RAB27B: variants seen among roughly 807,000 people sequenced by gnomAD.
RAB27B encodes the protein ras-related protein Rab-27B.
RAB27B carries 15 observed loss-of-function variants against 24.6 expected under a neutral mutation model. The ratio of observed to expected loss-of-function variants is 0.61; its 90% CI spans 0.41 to 0.94. The LOEUF (loss-of-function observed/expected upper bound fraction) is 0.94. Ranked by LOEUF, RAB27B falls within the 40% of genes least tolerant of loss-of-function variation. The pLI, the probability that RAB27B is intolerant of heterozygous loss-of-function variation, is 0.00. For synonymous variants in RAB27B, 105 were observed against 92.5 expected, an observed-to-expected ratio of 1.14 and a Z score of -0.78; for missense variants, 261 against 266.8, an observed-to-expected ratio of 0.98 and a Z score of 0.15.
intron 1 of RAB27B, among the ~76,000 whole-genome samples, chr18:54,842,294 A>G: frequency 8.9e-6 from 1 of 112,764 alleles, no homozygotes; most frequent in East Asian, 2.7e-4. Context: ...CCTAGATCAG[A>G]TAAAACTATT....
chr18:54,767,505 A>T (rs1416962412), intron 2 of RAB27B, among the ~76,000 whole-genome samples: 1 of 152,212 alleles, frequency 6.6e-6, no homozygotes, highest in Non-Finnish European at 1.5e-5. Flanking sequence ...TAAAAACAAG[A>T]TACAACTGAA....
chr18:54,831,515 T>C (rs986384374), intron 1 of RAB27B, among the ~76,000 whole-genome samples: 1 of 152,206 alleles, frequency 6.6e-6, no homozygotes, highest in Non-Finnish European at 1.5e-5. Flanking sequence ...TCAATAAATA[T>C]TTACTGAGCA....
At chr18:54,831,279 G>A (rs758066766) in intron 1 of RAB27B, among the ~76,000 whole-genome samples, 4 of 152,080 alleles carry the variant, frequency 2.6e-5, no homozygotes, top group African/African-American at 9.7e-5. Context: ...TGTGGAGGAA[G>A]AGCATTCTAG....
intron 2 of RAB27B, among the ~76,000 whole-genome samples, chr18:54,726,342 A>G (rs1461914921): frequency 6.6e-6 from 1 of 151,580 alleles, no homozygotes; most frequent in East Asian, 1.9e-4. Context: ...GCCGAAGAGA[A>G]TTTTGAATAC....
chr18:54,755,339 G>A (rs1907968695), intron 2 of RAB27B, among the ~76,000 whole-genome samples: 1 of 152,182 alleles, frequency 6.6e-6, no homozygotes, highest in Non-Finnish European at 1.5e-5. Context: ...GCAGTGAGCT[G>A]AGATCGCACC....
chr18:54,809,061 A>G (rs1437197980), intron 2 of RAB27B, among the ~76,000 whole-genome samples: 1 of 152,122 alleles, frequency 6.6e-6, no homozygotes. Flanking sequence ...CCCCCATTGA[A>G]TTTGTGTCAC....
chr18:54,737,519 A>G (rs544569178), intron 2 of RAB27B, among the ~76,000 whole-genome samples: 117 of 152,160 alleles, frequency 7.7e-4, no homozygotes, highest in Non-Finnish European at 1.3e-3. Flanking sequence ...TCCTTTCCAC[A>G]TATCTCTTAG....
chr18:54,860,096 T>G (rs1911952432), intron 1 of RAB27B, among the ~76,000 whole-genome samples: 1 of 152,150 alleles, frequency 6.6e-6, no homozygotes, highest in African/African-American at 2.4e-5. Flanking sequence ...GTCAAAAGGG[T>G]TTTGTGGCTC....
chr18:54,782,023 G>A (rs1908933436), intron 2 of RAB27B, among the ~76,000 whole-genome samples: 1 of 152,032 alleles, frequency 6.6e-6, no homozygotes, highest in African/African-American at 2.4e-5. Context: ...TTAATTATAG[G>A]GATATTTTAT....
chr18:54,817,854 A>G (rs540958141), intron 2 of RAB27B, among the ~76,000 whole-genome samples: 2 of 151,848 alleles, frequency 1.3e-5, no homozygotes, highest in South Asian at 4.2e-4. Flanking sequence ...TGACTGTCCT[A>G]TTGGATATAT....
At chr18:54,749,616 C>A (rs1465488791) in intron 2 of RAB27B, among the ~76,000 whole-genome samples, 1 of 152,030 alleles carries the variant, frequency 6.6e-6, no homozygotes, top group Non-Finnish European at 1.5e-5. Flanking sequence ...CTTCCACCTA[C>A]AAAGAAAACT....
intron 1 of RAB27B, among the ~76,000 whole-genome samples, chr18:54,830,823 C>G (rs1910645550): frequency 6.6e-6 from 1 of 152,166 alleles, no homozygotes; most frequent in South Asian, 2.1e-4. Context: ...ATAAGACAAA[C>G]TTGTCTAGAT....
chr18:54,809,570 A>C (rs1909898987), intron 2 of RAB27B, among the ~76,000 whole-genome samples: 1 of 152,236 alleles, frequency 6.6e-6, no homozygotes, highest in South Asian at 2.1e-4. Flanking sequence ...AAGCCAATGA[A>C]ATTTGAAGAG....
rs978169493 is a variant in RAB27B at position 54,892,864 on chromosome 18, T to C, written c.*3451T>C. ...ATTGTTCTTTGCCAACCTGTACAGG[T>C]AGATGAACCAGGCGAGAGTTTTAAT... On this transcript the variant is annotated 3_prime_UTR_variant, in exon 6 of 6. Transcript: ENST00000262094. 1 of 152,092 alleles carries C rather than the reference T, an allele frequency of 6.6e-6. No homozygotes were observed. The highest frequency in any genetic ancestry group is 1.5e-5 in the Non-Finnish European group (1 of 67,962). 9.4% of individuals were successfully genotyped at this position (152,092 alleles called of 1,614,324 possible). A position where few individuals can be genotyped will look rare whatever the true frequency, so the allele number is the denominator to read the frequency against.
chr18:54,801,587 G>A (rs1038845146), intron 2 of RAB27B, among the ~76,000 whole-genome samples: 2 of 152,082 alleles, frequency 1.3e-5, no homozygotes, highest in Non-Finnish European at 2.9e-5. Flanking sequence ...CAGGCATGTT[G>A]ACATTTTGAG....
chr18:54,827,014 G>A (rs1444860520), upstream of RAB27B, among the ~76,000 whole-genome samples: 3 of 152,202 alleles, frequency 2.0e-5, no homozygotes, highest in Non-Finnish European at 4.4e-5. Flanking sequence ...TGTGTTAACA[G>A]TGGAAAAGAT....
At chr18:54,782,413 G>T (rs1046029480) in intron 2 of RAB27B, among the ~76,000 whole-genome samples, 1 of 152,220 alleles carries the variant, frequency 6.6e-6, no homozygotes, top group African/African-American at 2.4e-5. Flanking sequence ...GAATGTAGGA[G>T]ATATTTTGGA....
In RAB27B at chr18:54,889,543, A is replaced by T; in HGVS notation, c.*130A>T. 3 of 881,480 alleles carry T rather than the reference A, an allele frequency of 3.4e-6. No homozygotes were observed. The highest frequency in any genetic ancestry group is 5.0e-6 in the Non-Finnish European group (3 of 601,388). The allele number at this position is 881,480 out of a possible 1,614,324, so 54.6% of individuals were successfully genotyped here. A position where few individuals can be genotyped will look rare whatever the true frequency, so the allele number is the denominator to read the frequency against. On this transcript the variant is annotated 3_prime_UTR_variant, in exon 6 of 6. Transcript: ENST00000262094. Reference sequence around the variant, plus strand: ...TCTTTCTTTTTCTGCCAGAAAATCTATTTTAAGAAACCAGAATAGTCAACA... The same window carrying T: ...TCTTTCTTTTTCTGCCAGAAAATCTTTTTTAAGAAACCAGAATAGTCAACA...
intron 1 of RAB27B, among the ~76,000 whole-genome samples, chr18:54,830,597 C>A (rs1253343526): frequency 6.6e-6 from 1 of 151,718 alleles, no homozygotes; most frequent in Non-Finnish European, 1.5e-5. Context: ...AAGATGGCTG[C>A]CAAATGGGAA....
Sources: allele counts gnomAD v4.1 joint callset (sites outside exome capture counted in the v4.1 genomes callset), GRCh38; gene constraint gnomAD v4.1.1; transcripts MANE v1.5; gene names NCBI Gene and HGNC (gene_info 2026-07-23, HGNC 2026-07-21).